Variants in ABI3BP observed in about 807,000 individuals in gnomAD.
The protein encoded by ABI3BP is ABI family member 3 binding protein, also known as target of Nesh-SH3.
ABI3BP carries 216 observed loss-of-function variants against 268.6 expected under a neutral mutation model. That is an observed-to-expected ratio of 0.80 (90% CI 0.72 to 0.90). The LOEUF (loss-of-function observed/expected upper bound fraction) is 0.90. Ranked by LOEUF, ABI3BP falls within the 40% of genes least tolerant of loss-of-function variation. The pLI, the probability that ABI3BP is intolerant of heterozygous loss-of-function variation, is 0.00. For synonymous variants in ABI3BP, 730 were observed against 730.0 expected (o/e 1.00, Z 0.00); for missense variants, 2,090 against 2,182.4 (o/e 0.96, Z 0.84).
intron 2 of ABI3BP, among the ~76,000 whole-genome samples, chr3:100,922,907 A>G (rs1164214618): frequency 6.6e-6 from 1 of 152,228 alleles, no homozygotes; most frequent in African/African-American, 2.4e-5. Flanking sequence ...CAAATAAGTC[A>G]CGGAAGACTA....
At chr3:100,881,676 GAA>G (rs5851233) in intron 6 of ABI3BP, among the ~76,000 whole-genome samples, 1 of 149,852 alleles carries the variant, frequency 6.7e-6, no homozygotes, top group South Asian at 2.1e-4. Context: ...TCTCTAAATG[GAA>G]AAAAAAAGCA....
intron 61 of ABI3BP, among the ~76,000 whole-genome samples, chr3:100,772,998 A>G (rs1160131098): frequency 6.6e-6 from 1 of 151,558 alleles, no homozygotes; most frequent in Non-Finnish European, 1.5e-5. Flanking sequence ...AAATCACTTG[A>G]ACCCAGGAAG....
chr3:100,771,037 C>T, intron 61 of ABI3BP, 85 bp from the exon 62 acceptor site: 3 of 1,175,586 alleles, frequency 2.6e-6, no homozygotes, highest in Non-Finnish European at 3.4e-6. Flanking sequence ...AATTTGAGGA[C>T]ATTTGGTCTC....
intron 21 of ABI3BP, among the ~76,000 whole-genome samples, chr3:100,841,193 A>ATTTTTTTTTT (rs2098690841): frequency 1.8e-5 from 1 of 54,192 alleles, no homozygotes. Context: ...GCATTAGAAC[A>ATTTTTTTTTT]CTTTTTTTTT....
intron 2 of ABI3BP, among the ~76,000 whole-genome samples, chr3:100,905,388 G>C (rs1318725870): frequency 2.0e-5 from 3 of 151,972 alleles, no homozygotes; most frequent in Non-Finnish European, 2.9e-5. Flanking sequence ...TTGTGCACAG[G>C]TACCCTAAAA....
chr3:100,843,773 A>T, intron 20 of ABI3BP: 2 of 983,108 alleles, frequency 2.0e-6, no homozygotes, highest in Non-Finnish European at 1.2e-6. Context: ...TCATACCTGA[A>T]GATAGCAAAC....
intron 53 of ABI3BP, among the ~76,000 whole-genome samples, chr3:100,795,552 A>C (rs1004940893): frequency 6.6e-6 from 1 of 152,048 alleles, no homozygotes; most frequent in Non-Finnish European, 1.5e-5. Flanking sequence ...AACATACTGG[A>C]CTCATTTTGA....
At chr3:100,755,311 A>ATAGT (rs1197240085) in intron 63 of ABI3BP, among the ~76,000 whole-genome samples, 3 of 152,326 alleles carry the variant, frequency 2.0e-5, no homozygotes, top group African/African-American at 7.2e-5. Context: ...AGACTAAGCT[A>ATAGT]TAGTTAGTCT....
At chr3:100,890,781 T>C (rs187714408) in intron 4 of ABI3BP, among the ~76,000 whole-genome samples, 368 of 152,296 alleles carry the variant, frequency 2.4e-3, no homozygotes, top group African/African-American at 8.6e-3. Flanking sequence ...CATTTTCTTT[T>C]CCAAATCTGT....
intron 10 of ABI3BP, among the ~76,000 whole-genome samples, chr3:100,865,398 C>T (rs762009928): frequency 3.9e-5 from 6 of 152,132 alleles, no homozygotes; most frequent in Non-Finnish European, 8.8e-5. Flanking sequence ...TCTTACACTG[C>T]AATGAATATG....
intron 36 of ABI3BP, 51 bp downstream of exon 36, chr3:100,824,807 C>A: frequency 6.8e-7 from 1 of 1,465,714 alleles, no homozygotes. Context: ...TCAGTCCCCA[C>A]TGCGACAGGC....
In ABI3BP at chr3:100,886,285, T is replaced by A; in HGVS notation, c.500A>T (p.Lys167Met). 1 of 1,608,506 alleles carries A rather than the reference T, an allele frequency of 6.2e-7. No individual in the cohort carries two copies. Among genetic ancestry groups the A allele is most frequent in the Non-Finnish European group, 8.5e-7 (1 of 1,177,088 alleles). The change falls in exon 5 of 68, where the codon AAG becomes ATG. Residue 167 changes from lysine (K) to methionine (M), a missense_variant. Lys to Met is a moderately conservative substitution (Grantham distance 95, BLOSUM62 -1). Coordinates refer to ENST00000471714, the MANE Select transcript of ABI3BP (RefSeq NM_001375547.2). ...TGGACAGATTTGAAAAATCCACTTC[T>A]TTTCTTTATCCTTTTCTCGATAGCG... ...TIRYREKDKEKKWIFQICPAT... is the reference protein window; with the variant it reads ...TIRYREKDKEMKWIFQICPAT...
chr3:100,821,176 TC>T, intron 38 of ABI3BP, 63 bp from the exon 39 acceptor site: 1 of 1,401,186 alleles, frequency 7.1e-7, no homozygotes, highest in Non-Finnish European at 9.8e-7. Flanking sequence ...TCAAAACTTT[TC>T]TTCAAAAATG....
At chr3:100,801,701 A>G (rs1159220489) in intron 51 of ABI3BP, among the ~76,000 whole-genome samples, 2 of 152,204 alleles carry the variant, frequency 1.3e-5, no homozygotes, top group African/African-American at 4.8e-5. Flanking sequence ...ATTTTAACAA[A>G]GAATAAAATT....
chr3:100,936,055 A>T (rs2065987081), intron 1 of ABI3BP, among the ~76,000 whole-genome samples: 1 of 152,146 alleles, frequency 6.6e-6, no homozygotes, highest in African/African-American at 2.4e-5. Flanking sequence ...GTCTTGTGCC[A>T]GTTTTCAAAG....
Position 100,785,155 on chromosome 3 carries a change from A to G in ABI3BP, c.4162+2573T>C, listed in dbSNP as rs2096991932. 2.6e-5 allele frequency among the ~76,000 whole-genome samples: 4 copies of G among 152,204 alleles called. 1 individual carries two copies. The highest frequency in any genetic ancestry group is 9.6e-5 in the African/African-American group (4 of 41,464). On this transcript the variant is annotated intron_variant, in intron 57 of 67. Coordinates refer to ENST00000471714, the MANE Select transcript of ABI3BP (RefSeq NM_001375547.2). ...TTAAAATGTGAAATATCTGAGTTGA[A>G]AACTTCAGCAAGAAAAACTATAGGA... is the stretch of plus-strand genomic sequence containing the variant.
intron 59 of ABI3BP, among the ~76,000 whole-genome samples, chr3:100,776,149 T>C (rs2096696964): frequency 6.6e-6 from 1 of 152,182 alleles, no homozygotes; most frequent in Non-Finnish European, 1.5e-5. Flanking sequence ...TCTGGGTGTT[T>C]GGAGTCGAAA....
At chr3:100,846,340 T>C in intron 20 of ABI3BP, 32 bp downstream of exon 20, 1 of 1,454,486 alleles carries the variant, frequency 6.9e-7, no homozygotes, top group East Asian at 2.3e-5. Context: ...AACCCCACTT[T>C]TGGAATATTC....
chr3:100,835,887 T>C (rs1340704432), intron 27 of ABI3BP, among the ~76,000 whole-genome samples: 1 of 152,188 alleles, frequency 6.6e-6, no homozygotes, highest in Admixed American at 6.6e-5. Flanking sequence ...TTTTTCTGTA[T>C]TTCATTATCT....
Sources: gnomAD v4.1 joint callset for allele counts (sites outside exome capture counted in the v4.1 genomes callset) on GRCh38, gnomAD v4.1.1 for gene constraint, MANE v1.5 for transcripts, NCBI Gene and HGNC (gene_info 2026-07-23, HGNC 2026-07-21) for gene names.